QPRT: variants seen among roughly 807,000 people sequenced by gnomAD.
QPRT encodes quinolinate phosphoribosyltransferase.
A neutral mutation model predicts 19.8 loss-of-function variants in QPRT; 17 were observed. That is an observed-to-expected ratio of 0.86 (90% confidence interval 0.59 to 1.29). The LOEUF (loss-of-function observed/expected upper bound fraction) is 1.29, where lower values mean the gene tolerates loss of function less well. QPRT is among the 50% of genes most tolerant of loss of function. The pLI, the probability that QPRT is intolerant of heterozygous loss-of-function variation, is 0.00. For synonymous variants in QPRT, 178 were observed against 191.0 expected, an observed-to-expected ratio of 0.93 and a Z score of 0.56; for missense variants, 336 against 405.1, an observed-to-expected ratio of 0.83 and a Z score of 1.46.
Position 29,694,788 on chromosome 16 carries a change from G to A in QPRT, c.138G>A (p.Leu46=). 6.2e-7 allele frequency: 1 copy of A among 1,614,008 alleles called. No individual in the cohort carries two copies. The highest frequency in any genetic ancestry group is 8.5e-7 in the Non-Finnish European group (1 of 1,179,938). ...VSGAGPSQAA[L]WAKSPGVLAG... is the part of the protein sequence containing the mutation. ...GGGCAGGCCCCTCGCAGGCGGCGCT[G>A]TGGGCCAAATCCCCTGGGGTACTGG... is the stretch of plus-strand genomic sequence containing the variant. Residue 46 remains leucine, a synonymous_variant, in exon 2 of 4, where the codon CTG becomes CTA. Coordinates refer to ENST00000395384, the MANE Select transcript of QPRT (RefSeq NM_014298.6).
chr16:29,688,163 C>T (rs1193970357), intron 1 of QPRT, among the ~76,000 whole-genome samples: 1 of 151,926 alleles, frequency 6.6e-6, no homozygotes, highest in Admixed American at 6.6e-5. Flanking sequence ...GGGTTATAGC[C>T]AACGAGCAGA....
At chr16:29,688,061 C>G (rs1256679435) in intron 1 of QPRT, among the ~76,000 whole-genome samples, 2 of 152,112 alleles carry the variant, frequency 1.3e-5, no homozygotes, top group South Asian at 2.1e-4. Context: ...ACTAGACAGT[C>G]GTTAAAATAG....
chr16:29,694,946 T>G lies in QPRT; in HGVS notation c.296T>G (p.Leu99Arg). The change falls in exon 2 of 4, where the codon CTG becomes CGG. Residue 99 changes from leucine (L) to arginine (R), a missense_variant. Transcript: ENST00000395384. Reference sequence around the variant, plus strand: ...CGGGGCCCTGCCCACTGCCTGCTGCTGGGGGAACGGGTGGCCCTCAACACG... The same window carrying G: ...CGGGGCCCTGCCCACTGCCTGCTGCGGGGGGAACGGGTGGCCCTCAACACG... ...EVRGPAHCLL[L>R]GERVALNTLA... The G allele has an allele frequency of 6.2e-7, 1 of 1,611,932 alleles. No individual in the cohort carries two copies. Among genetic ancestry groups the G allele is most frequent in the South Asian group, 1.1e-5 (1 of 91,058 alleles).
intron 1 of QPRT, among the ~76,000 whole-genome samples, chr16:29,688,249 G>A (rs1967219353): frequency 6.6e-6 from 1 of 152,088 alleles, no homozygotes; most frequent in Non-Finnish European, 1.5e-5. Flanking sequence ...CCAACCTAAA[G>A]GGATTCTTGC....
intron 1 of QPRT, among the ~76,000 whole-genome samples, chr16:29,680,964 TC>T (rs1966983666): frequency 6.6e-6 from 1 of 151,636 alleles, no homozygotes; most frequent in African/African-American, 2.4e-5. Flanking sequence ...AATAAATAGT[TC>T]CCTGCTCAGA....
intron 1 of QPRT, among the ~76,000 whole-genome samples, chr16:29,693,598 A>AT (rs1321952224): frequency 8.0e-6 from 1 of 125,356 alleles, no homozygotes; most frequent in Non-Finnish European, 1.7e-5. Context: ...TTTTATTACT[A>AT]TTTTTTTAGG....
chr16:29,693,137 T>G (rs2142309067), intron 1 of QPRT, among the ~76,000 whole-genome samples: 1 of 152,148 alleles, frequency 6.6e-6, no homozygotes, highest in South Asian at 2.1e-4. Flanking sequence ...TCTGTTACAA[T>G]CCAATTGCAT....
At chr16:29,696,840 A>G in intron 2 of QPRT, 156 bp from the exon 3 acceptor site, 2 of 843,494 alleles carry the variant, frequency 2.4e-6, no homozygotes, top group Non-Finnish European at 3.5e-6. Context: ...CCCCAAGTTC[A>G]TGGTCCACCC....
At chr16:29,682,689 T>C (rs1967045206) in intron 1 of QPRT, among the ~76,000 whole-genome samples, 1 of 152,072 alleles carries the variant, frequency 6.6e-6, no homozygotes, top group African/African-American at 2.4e-5. Context: ...CTCATCATGT[T>C]TTTTTCTTAA....
intron 1 of QPRT, among the ~76,000 whole-genome samples, chr16:29,682,371 TTTTC>T (rs1254023296): frequency 2.0e-5 from 3 of 151,656 alleles, no homozygotes; most frequent in Admixed American, 2.0e-4. Flanking sequence ...TCTCAGCATG[TTTTC>T]TTTCTTTCTT....
chr16:29,680,678 C>T (rs760464859), intron 1 of QPRT, among the ~76,000 whole-genome samples: 10 of 152,074 alleles, frequency 6.6e-5, no homozygotes, highest in East Asian at 1.9e-4. Context: ...CGGTGGCTCA[C>T]GCCTGTAATC....
In QPRT at chr16:29,696,998, G is replaced by T. The variant is rs751915291; in HGVS notation, c.552G>T (p.Ala184=). The change falls in exon 3 of 4, where the codon GCG becomes GCT. Residue 184 remains alanine (A), a splice_region_variant and synonymous_variant. Transcript: ENST00000395384. The stretch of plus-strand genomic sequence containing the variant: ...TTGTCCTCCCGGCTGCCCAGCAGGC[G>T]GTGCGGGCGGCCAGACAGGCGGCTG... ...HVVAAGGVEK[A]VRAARQAADF... 6 of 1,601,486 alleles carry T rather than the reference G, an allele frequency of 3.7e-6. No individual in the cohort carries two copies. Among genetic ancestry groups the T allele is most frequent in the Non-Finnish European group, 5.1e-6 (6 of 1,175,540 alleles).
At chr16:29,688,706 G>A (rs190777925) in intron 1 of QPRT, among the ~76,000 whole-genome samples, 7 of 151,536 alleles carry the variant, frequency 4.6e-5, no homozygotes, top group Admixed American at 4.6e-4. Flanking sequence ...TTTTAGTAGG[G>A]ACAGGGTTTT....
At chr16:29,679,103 C>T, upstream of QPRT, 1 of 1,607,216 alleles carries the variant, frequency 6.2e-7, no homozygotes, top group Non-Finnish European at 8.5e-7. Context: ...CTTGATGGGC[C>T]CTCCCTCCCT....
In QPRT at chr16:29,697,417, A is replaced by C; in HGVS notation, c.*6A>C. The stretch of plus-strand genomic sequence containing the variant: ...CAGTGCCCAAAATCCACTAGTCCTA[A>C]ACCGGAAGAGGATGACACCGGCCAT... On this transcript the variant is annotated 3_prime_UTR_variant, in exon 4 of 4. Transcript: ENST00000395384. The surrounding 1 kb of genome is among the most constrained non-coding windows in gnomAD (Gnocchi z 4.4). 6 of 1,606,980 alleles carry C rather than the reference A, an allele frequency of 3.7e-6. No individual in the cohort carries two copies. The highest frequency in any genetic ancestry group is 5.1e-6 in the Non-Finnish European group (6 of 1,177,248).
At chr16:29,682,784 T>G (rs1309657366) in intron 1 of QPRT, among the ~76,000 whole-genome samples, 9 of 152,194 alleles carry the variant, frequency 5.9e-5, no homozygotes, top group African/African-American at 1.9e-4. Context: ...TATCAAACAT[T>G]CAATGTCCAG....
rs1312991883 is a variant in QPRT at position 29,679,387 on chromosome 16, G to GC, written c.13+181dup. On this transcript the variant is annotated intron_variant, in intron 1 of 3. Transcript: ENST00000395384. The stretch of plus-strand genomic sequence containing the variant: ...CTGCAGCCTTGCTCAACCCCCAGAG[G>GC]CCCCTTCTCACTCTTCTTTCTCCTG... Among the ~76,000 whole-genome samples, 5 of 152,168 alleles carry GC rather than the reference G, an allele frequency of 3.3e-5. No homozygotes were observed. The East Asian group carries it at 9.7e-4, about 29-fold the overall frequency.
chr16:29,685,813 A>G (rs1402862838), intron 1 of QPRT, among the ~76,000 whole-genome samples: 1 of 152,124 alleles, frequency 6.6e-6, no homozygotes, highest in Non-Finnish European at 1.5e-5. Context: ...CAGCCTGGGC[A>G]ACATAGCGAG....
chr16:29,689,394 C>T (rs1210138332), intron 1 of QPRT, among the ~76,000 whole-genome samples: 2 of 152,160 alleles, frequency 1.3e-5, no homozygotes, highest in South Asian at 4.1e-4. Context: ...CATGCCCGGC[C>T]TTAACTTTTA....
Sources: allele counts gnomAD v4.1 joint callset (sites outside exome capture counted in the v4.1 genomes callset), GRCh38; gene constraint gnomAD v4.1.1; non-coding constraint Gnocchi (gnomAD v3.1); transcripts MANE v1.5; gene names NCBI Gene and HGNC (gene_info 2026-07-23, HGNC 2026-07-21).